The following GSE1 variants were observed in gnomAD, a reference collection of about 807,000 sequenced individuals.
GSE1 encodes Gse1 coiled-coil protein, also known as genetic suppressor element 1.
Under a neutral mutation model 112.6 loss-of-function variants are expected in GSE1, and 32 were observed. That is an observed-to-expected ratio of 0.28 (90% CI 0.21 to 0.38). The LOEUF (loss-of-function observed/expected upper bound fraction) is 0.38, where lower values mean the gene tolerates loss of function less well. Among genes scored for constraint, GSE1 ranks in the 10% least tolerant of loss-of-function variants. The pLI, the probability that GSE1 is intolerant of heterozygous loss-of-function variation, is 1.00. For synonymous variants in GSE1, 1,115 were observed against 735.6 expected, an observed-to-expected ratio of 1.52 and a Z score of -8.35; for missense variants, 2,348 against 1,699.2, an observed-to-expected ratio of 1.38 and a Z score of -6.71.
chr16:85,578,233 G>C (rs1334351769), intron 1 of GSE1, among the ~76,000 whole-genome samples: 1 of 152,260 alleles, frequency 6.6e-6, no homozygotes, highest in Non-Finnish European at 1.5e-5. Context: ...GCTGCTTGCT[G>C]TGCGGCTTCC....
At chr16:85,552,323 C>CTCAGGTGGA (rs1425429836), upstream of GSE1, among the ~76,000 whole-genome samples, 784 of 65,758 alleles carry the variant, frequency 0.012, 15 homozygotes, top group Non-Finnish European at 0.018. Context: ...CCGCACCCGC[C>CTCAGGTGGA]CCTCCTTTTT....
At chr16:85,356,933 CGGGGGTACTCAGATGA>C (rs758603651) in intron 1 of GSE1, among the ~76,000 whole-genome samples, 1 of 152,200 alleles carries the variant, frequency 6.6e-6, no homozygotes, top group Non-Finnish European at 1.5e-5. Flanking sequence ...GAGCATCCCC[CGGGGGTACTCAGATGA>C]GGGCCTTTCC....
intron 1 of GSE1, among the ~76,000 whole-genome samples, chr16:85,310,588 C>T (rs2151480311): frequency 6.6e-6 from 1 of 150,722 alleles, no homozygotes; most frequent in South Asian, 2.1e-4. Flanking sequence ...CTTGTTGCTT[C>T]TCCCTTTGAG....
chr16:85,302,179 TAAAAG>T (rs755864967), intron 1 of GSE1, among the ~76,000 whole-genome samples: 55 of 151,792 alleles, frequency 3.6e-4, no homozygotes, highest in Admixed American at 1.2e-3. Context: ...ATCGAGGAAA[TAAAAG>T]AGAGAGAGAG....
chr16:85,530,626 G>A (rs1380985978), intron 2 of GSE1, among the ~76,000 whole-genome samples: 2 of 152,216 alleles, frequency 1.3e-5, no homozygotes, highest in East Asian at 1.9e-4. Flanking sequence ...AGCCTGCAAC[G>A]AGGGCCCAGG....
At chr16:85,477,641 A>G (rs1162795430) in intron 2 of GSE1, among the ~76,000 whole-genome samples, 1 of 143,874 alleles carries the variant, frequency 7.0e-6, no homozygotes, top group Admixed American at 6.9e-5. Flanking sequence ...GCTCACCGCA[A>G]CCTCCACCTG....
chr16:85,455,864 T>A (rs1004433935), intron 2 of GSE1, among the ~76,000 whole-genome samples: 2 of 152,190 alleles, frequency 1.3e-5, no homozygotes, highest in African/African-American at 4.8e-5. Flanking sequence ...GCTGCCTAAC[T>A]CCCATCCTGG....
chr16:85,602,913 G>A (rs1037945210), intron 1 of GSE1, among the ~76,000 whole-genome samples: 2 of 152,244 alleles, frequency 1.3e-5, no homozygotes, highest in South Asian at 2.1e-4. Context: ...GGACCGGAGC[G>A]GGGCGCTCCG....
At chr16:85,180,089 G>A (rs2074550744) in intron 1 of GSE1, among the ~76,000 whole-genome samples, 1 of 152,252 alleles carries the variant, frequency 6.6e-6, no homozygotes, top group Admixed American at 6.5e-5. Flanking sequence ...TGGCTCTCAG[G>A]TTCCCTGCCT....
At chr16:85,301,663 C>G (rs951038833) in intron 1 of GSE1, among the ~76,000 whole-genome samples, 28 of 152,204 alleles carry the variant, frequency 1.8e-4, no homozygotes, top group Non-Finnish European at 5.9e-5. Context: ...GCTCTGTTGC[C>G]ATCTGTGTTT....
chr16:85,395,141 G>A (rs1464997525), intron 2 of GSE1, among the ~76,000 whole-genome samples: 1 of 152,154 alleles, frequency 6.6e-6, no homozygotes, highest in Non-Finnish European at 1.5e-5. Context: ...AGGAAGGATG[G>A]TCTGGGGCAA....
intron 2 of GSE1, among the ~76,000 whole-genome samples, chr16:85,360,593 TCCCGGG>T (rs2047046788): frequency 6.6e-6 from 1 of 151,910 alleles, no homozygotes. Context: ...GGGCGCTGTC[TCCCGGG>T]CCCAGCTGTG....
intron 1 of GSE1, among the ~76,000 whole-genome samples, chr16:85,603,589 C>T (rs1168901512): frequency 1.3e-5 from 2 of 152,246 alleles, no homozygotes; most frequent in African/African-American, 4.8e-5. Flanking sequence ...CAGCCTCAAC[C>T]TCTCAGGCTC....
At chr16:85,483,991 C>T (rs923834611) in intron 2 of GSE1, among the ~76,000 whole-genome samples, 1 of 152,208 alleles carries the variant, frequency 6.6e-6, no homozygotes, top group Non-Finnish European at 1.5e-5. Context: ...CGACCCTCCC[C>T]GAGAGGTGCG....
intron 2 of GSE1, among the ~76,000 whole-genome samples, chr16:85,499,631 C>T (rs2051298240): frequency 6.6e-6 from 1 of 152,118 alleles, no homozygotes; most frequent in African/African-American, 2.4e-5. Context: ...GAATGCACCT[C>T]AGCGTGAATG....
intron 2 of GSE1, among the ~76,000 whole-genome samples, chr16:85,443,255 C>T (rs1319136273): frequency 2.6e-5 from 4 of 152,186 alleles, no homozygotes; most frequent in African/African-American, 4.8e-5. Context: ...CACCATGGCC[C>T]GCCAGGCCCC....
chr16:85,485,902 G>C (rs866598959), intron 2 of GSE1, among the ~76,000 whole-genome samples: 14 of 152,190 alleles, frequency 9.2e-5, no homozygotes, highest in South Asian at 4.1e-4. Flanking sequence ...AACACACACA[G>C]AGAGGGAGCA....
intron 2 of GSE1, among the ~76,000 whole-genome samples, chr16:85,644,263 C>T (rs2050675199): frequency 6.6e-6 from 1 of 151,134 alleles, no homozygotes; most frequent in South Asian, 2.1e-4. Context: ...CACTTGAACC[C>T]AGGAGGTTGA....
chr16:85,614,855 C>A (rs560943472), intron 1 of GSE1, among the ~76,000 whole-genome samples: 1 of 152,316 alleles, frequency 6.6e-6, no homozygotes, highest in Non-Finnish European at 1.5e-5. Flanking sequence ...GGAAAGAGGG[C>A]TCCTTTTGTA....
Sources: gnomAD v4.1 joint callset for allele counts (sites outside exome capture counted in the v4.1 genomes callset) on GRCh38, gnomAD v4.1.1 for gene constraint, MANE v1.5 for transcripts, NCBI Gene and HGNC (gene_info 2026-07-23, HGNC 2026-07-21) for gene names.